CDIN1: variants seen among roughly 807,000 people sequenced by gnomAD.
The protein encoded by CDIN1 is CDAN1-interacting nuclease 1.
CDIN1 carries 33 observed loss-of-function variants against 45.3 expected under a neutral mutation model. That is an observed-to-expected ratio of 0.73 (90% CI 0.55 to 0.97). CDIN1 has a LOEUF of 0.97. Ranked by LOEUF, CDIN1 falls within the 50% of genes least tolerant of loss-of-function variation. The pLI, the probability that CDIN1 is intolerant of heterozygous loss-of-function variation, is 0.00. For synonymous variants in CDIN1, 118 were observed against 124.4 expected (o/e 0.95, Z 0.34); for missense variants, 303 against 339.4 (o/e 0.89, Z 0.84).
chr15:36,579,927 C>A lies in CDIN1; in HGVS notation c.67C>A (p.Gln23Lys). 6.2e-7 allele frequency: 1 copy of A among 1,613,898 alleles called. No individual in the cohort carries two copies. Among genetic ancestry groups the A allele is most frequent in the Non-Finnish European group, 8.5e-7 (1 of 1,179,864 alleles). Residue 23 changes from glutamine to lysine, a missense_variant, in exon 1 of 11, where the codon CAG becomes AAG. Coordinates refer to ENST00000566621, the MANE Select transcript of CDIN1 (RefSeq NM_001321759.2). ...QCLVSVPPTRQSLRKLKQRFP... is the reference protein window; with the variant it reads ...QCLVSVPPTRKSLRKLKQRFP... ...CCTAGTGTCTGTGCCGCCTACCAGG[C>A]AGAGCCTGAGGAAGCTGAAGCAGAG...
At chr15:36,617,683 G>C (rs576635801) in intron 1 of CDIN1, 29 of 770,438 alleles carry the variant, frequency 3.8e-5, no homozygotes, top group Non-Finnish European at 6.5e-5. Flanking sequence ...CATAAGCGTT[G>C]TATTGTGATT....
intron 10 of CDIN1, among the ~76,000 whole-genome samples, chr15:36,778,039 C>T (rs74932111): frequency 0.019 from 2,949 of 152,210 alleles, 103 homozygotes; most frequent in African/African-American, 0.066. Flanking sequence ...GGATGTTTCT[C>T]CCCCTTGTGA....
At chr15:36,629,389 G>C (rs2039585301) in intron 1 of CDIN1, among the ~76,000 whole-genome samples, 1 of 152,132 alleles carries the variant, frequency 6.6e-6, no homozygotes, top group Non-Finnish European at 1.5e-5. Context: ...TATTACTGAG[G>C]AAAAACTTAC....
chr15:36,596,061 C>CA (rs2037812626), intron 1 of CDIN1, among the ~76,000 whole-genome samples: 1 of 151,530 alleles, frequency 6.6e-6, no homozygotes, highest in Non-Finnish European at 1.5e-5. Context: ...CTTGCCTACA[C>CA]AAAAAAGAGG....
chr15:36,584,803 C>T (rs1304877811), intron 1 of CDIN1, among the ~76,000 whole-genome samples: 1 of 152,186 alleles, frequency 6.6e-6, no homozygotes, highest in African/African-American at 2.4e-5. Context: ...AGAAAGTTCA[C>T]GCAGACGTCA....
At chr15:36,651,570 A>G (rs1655912580) in intron 3 of CDIN1, among the ~76,000 whole-genome samples, 1 of 152,192 alleles carries the variant, frequency 6.6e-6, no homozygotes, top group African/African-American at 2.4e-5. Flanking sequence ...CCTACCACTT[A>G]TGAGGTGCTA....
chr15:36,699,102 AATTG>A (rs1413344048), intron 8 of CDIN1, among the ~76,000 whole-genome samples: 1 of 152,290 alleles, frequency 6.6e-6, no homozygotes, highest in African/African-American at 2.4e-5. Context: ...CAGGATATTT[AATTG>A]ATCTTTAAAA....
intron 5 of CDIN1, among the ~76,000 whole-genome samples, chr15:36,672,622 G>A (rs1343139815): frequency 1.3e-5 from 2 of 151,570 alleles, no homozygotes; most frequent in African/African-American, 4.9e-5. Flanking sequence ...GGTTGGGGTG[G>A]GGGGAGGTCT....
chr15:36,738,740 G>A (rs2044124937), intron 10 of CDIN1, among the ~76,000 whole-genome samples: 1 of 151,958 alleles, frequency 6.6e-6, no homozygotes, highest in African/African-American at 2.4e-5. Context: ...TTTCTTTTTT[G>A]TTCCATGTTT....
chr15:36,581,665 G>A (rs1247463311), intron 1 of CDIN1, among the ~76,000 whole-genome samples: 2 of 151,974 alleles, frequency 1.3e-5, no homozygotes, highest in Admixed American at 1.3e-4. Flanking sequence ...ATCACTTGAG[G>A]CCAGGAGTTC....
At chr15:36,688,011 C>T (rs1002329098) in intron 5 of CDIN1, among the ~76,000 whole-genome samples, 4 of 150,998 alleles carry the variant, frequency 2.6e-5, no homozygotes, top group African/African-American at 9.8e-5. Context: ...GTAGCTAAAG[C>T]AAAATTTAGA....
chr15:36,801,320 CAA>C (rs1057358836), intron 10 of CDIN1, among the ~76,000 whole-genome samples: 55 of 151,758 alleles, frequency 3.6e-4, no homozygotes, highest in African/African-American at 1.1e-3. Context: ...GTCTTATTAC[CAA>C]AAGAGATGTA....
chr15:36,764,218 T>G (rs1298633744), intron 10 of CDIN1, among the ~76,000 whole-genome samples: 1 of 120,710 alleles, frequency 8.3e-6, no homozygotes, highest in Non-Finnish European at 2.0e-5. Flanking sequence ...GTTTTGGTTT[T>G]TTTTTTTTTT....
At chr15:36,785,278 C>T in intron 10 of CDIN1, among the ~76,000 whole-genome samples, 1 of 152,096 alleles carries the variant, frequency 6.6e-6, no homozygotes, top group Middle Eastern at 3.2e-3. Context: ...TAGTAAATTG[C>T]AAAAAGAGGC....
At chr15:36,650,065 G>A (rs1212635429) in intron 3 of CDIN1, among the ~76,000 whole-genome samples, 4 of 152,192 alleles carry the variant, frequency 2.6e-5, no homozygotes, top group African/African-American at 9.6e-5. Flanking sequence ...TCTGAATAAA[G>A]TTCTGTAGAT....
chr15:36,712,918 A>G (rs2043106088), intron 10 of CDIN1, among the ~76,000 whole-genome samples: 2 of 152,184 alleles, frequency 1.3e-5, no homozygotes, highest in South Asian at 4.1e-4. Context: ...CCCAAATTAT[A>G]TAAGGCTACC....
intron 10 of CDIN1, among the ~76,000 whole-genome samples, chr15:36,714,604 G>C (rs1301147812): frequency 6.6e-6 from 1 of 152,174 alleles, no homozygotes; most frequent in Non-Finnish European, 1.5e-5. Context: ...TGGATTTCCA[G>C]GCTCCGTGTG....
chr15:36,725,898 T>C (rs1056006658), intron 10 of CDIN1, among the ~76,000 whole-genome samples: 4 of 152,144 alleles, frequency 2.6e-5, no homozygotes, highest in Non-Finnish European at 5.9e-5. Flanking sequence ...TTCAGGAAGA[T>C]TTTCATGCTG....
At chr15:36,634,226 C>G (rs913414431) in intron 1 of CDIN1, among the ~76,000 whole-genome samples, 2 of 151,956 alleles carry the variant, frequency 1.3e-5, no homozygotes, top group Non-Finnish European at 2.9e-5. Flanking sequence ...ATCAGGAGAT[C>G]GAGACCATCC....
Sources: gnomAD v4.1 joint callset for allele counts (sites outside exome capture counted in the v4.1 genomes callset) on GRCh38, gnomAD v4.1.1 for gene constraint, MANE v1.5 for transcripts, NCBI Gene and HGNC (gene_info 2026-07-23, HGNC 2026-07-21) for gene names.